The following TENM4 variants were observed in gnomAD, a reference collection of about 807,000 sequenced individuals.
TENM4 encodes teneurin transmembrane protein 4, also known as teneurin-4.
In TENM4, 82 loss-of-function variants were observed where a neutral mutation model predicts 243.3. The ratio of observed to expected loss-of-function variants is 0.34; its 90% confidence interval spans 0.28 to 0.40. The LOEUF is 0.40. TENM4 is among the 10% of genes least tolerant of loss of function. The pLI is 1.00. For missense variants in TENM4, 3,138 were observed against 3,673.3 expected (o/e 0.85, Z 3.77); for synonymous variants, 1,412 against 1,456.3 (o/e 0.97, Z 0.69).
chr11:78,931,241 T>G (rs606211), intron 6 of TENM4, among the ~76,000 whole-genome samples: 5 of 152,022 alleles, frequency 3.3e-5, no homozygotes, highest in African/African-American at 1.2e-4. Flanking sequence ...GGTTTCTCTC[T>G]ATCTCTCTTT....
chr11:78,676,578 T>C lies in TENM4; in HGVS notation c.5261-191A>G, dbSNP rs115814631. Among the ~76,000 whole-genome samples, 891 of 152,336 alleles carry C rather than the reference T, an allele frequency of 5.8e-3. 9 individuals carry two copies. Among genetic ancestry groups the C allele is most frequent in the African/African-American group, 0.02 (832 of 41,580 alleles). ...GATTCTCCATATCCAAAGAAAACCA[T>C]TGTAAATATTTTGTATGTTTGTAGA... On this transcript the variant is annotated intron_variant, in intron 29 of 33. Transcript: ENST00000278550.
intron 1 of TENM4, among the ~76,000 whole-genome samples, chr11:79,311,557 A>C (rs772042208): frequency 1.4e-4 from 22 of 152,220 alleles, no homozygotes; most frequent in Non-Finnish European, 3.1e-4. Flanking sequence ...TTACAAGCCC[A>C]CAATATACAG....
At chr11:78,668,877 A>G (rs903206502) in intron 32 of TENM4, 60 bp downstream of exon 32, 9 of 1,530,210 alleles carry the variant, frequency 5.9e-6, no homozygotes, top group African/African-American at 4.1e-5. Context: ...AAGACTAAGT[A>G]TTGTTAGGTA....
In TENM4 at chr11:79,182,373, C is replaced by T. The variant is rs565587074; in HGVS notation, c.-163+33435G>A. On this transcript the variant is annotated intron_variant, in intron 3 of 33. Coordinates refer to ENST00000278550, the MANE Select transcript of TENM4 (RefSeq NM_001098816.3). Reference sequence around the variant, plus strand: ...ATATTTTCAACAAATGGTGTAGGGACAACTGGACATCCAAATATCAAAAAA... The same window carrying T: ...ATATTTTCAACAAATGGTGTAGGGATAACTGGACATCCAAATATCAAAAAA... 2.6e-5 allele frequency among the ~76,000 whole-genome samples: 4 copies of T among 152,130 alleles called. No individual in the cohort carries two copies. The South Asian group carries it at 8.3e-4, about 32-fold the overall frequency.
At chr11:79,437,589 G>A (rs1246977571) in intron 1 of TENM4, among the ~76,000 whole-genome samples, 1 of 152,224 alleles carries the variant, frequency 6.6e-6, no homozygotes, top group Non-Finnish European at 1.5e-5. Flanking sequence ...GGCGTCCCGC[G>A]GACTCCGGCG....
At chr11:78,800,231 G>A (rs1190181730) in intron 15 of TENM4, among the ~76,000 whole-genome samples, 5 of 152,212 alleles carry the variant, frequency 3.3e-5, no homozygotes, top group African/African-American at 7.2e-5. Flanking sequence ...GGGAGGAGTT[G>A]TTCTGCTCAG....
At chr11:79,375,844 C>A (rs1234207765) in intron 1 of TENM4, among the ~76,000 whole-genome samples, 1 of 152,008 alleles carries the variant, frequency 6.6e-6, no homozygotes, top group East Asian at 1.9e-4. Flanking sequence ...ATGCAAAAAC[C>A]CAAGGCATTC....
intron 3 of TENM4, among the ~76,000 whole-genome samples, chr11:79,169,375 G>A (rs551888980): frequency 3.9e-5 from 6 of 152,260 alleles, no homozygotes; most frequent in East Asian, 1.9e-4. Context: ...TTGAGTGATC[G>A]CAAGAGGGAG....
At chr11:79,386,080 A>G (rs1055394488) in intron 1 of TENM4, among the ~76,000 whole-genome samples, 14 of 152,252 alleles carry the variant, frequency 9.2e-5, no homozygotes, top group Non-Finnish European at 1.6e-4. Flanking sequence ...CTGGCCTGAA[A>G]CTTTAACTGC....
chr11:78,859,673 C>A (rs1380848608), intron 10 of TENM4, among the ~76,000 whole-genome samples: 1 of 152,184 alleles, frequency 6.6e-6, no homozygotes, highest in African/African-American at 2.4e-5. Flanking sequence ...TGGTTCTTTT[C>A]AATGCAATAA....
chr11:79,001,835 C>T (rs1417327095), intron 6 of TENM4, among the ~76,000 whole-genome samples: 1 of 152,186 alleles, frequency 6.6e-6, no homozygotes, highest in Non-Finnish European at 1.5e-5. Context: ...CTCACCATAG[C>T]TCCTTTGTCA....
At chr11:78,806,371 T>G (rs750347687) in intron 14 of TENM4, among the ~76,000 whole-genome samples, 8 of 152,146 alleles carry the variant, frequency 5.3e-5, no homozygotes, top group East Asian at 1.9e-4. Context: ...ATGTGCTGAC[T>G]TTGCACAGCT....
chr11:79,103,313 A>G (rs1301476408), intron 4 of TENM4, among the ~76,000 whole-genome samples: 3 of 152,164 alleles, frequency 2.0e-5, no homozygotes, highest in Non-Finnish European at 2.9e-5. Flanking sequence ...ATAATGTTGT[A>G]TGATTATAGA....
At chr11:78,727,491 A>G (rs1406597671) in intron 22 of TENM4, among the ~76,000 whole-genome samples, 3 of 152,168 alleles carry the variant, frequency 2.0e-5, no homozygotes, top group Non-Finnish European at 4.4e-5. Flanking sequence ...ATTTGTTTAC[A>G]GAATCACATA....
chr11:79,175,831 T>G (rs1863147774), intron 3 of TENM4, among the ~76,000 whole-genome samples: 1 of 152,152 alleles, frequency 6.6e-6, no homozygotes, highest in Admixed American at 6.5e-5. Context: ...GTGGCTGCAA[T>G]CCCAGCATTT....
intron 4 of TENM4, among the ~76,000 whole-genome samples, chr11:79,142,209 T>C (rs916175447): frequency 6.6e-6 from 1 of 152,088 alleles, no homozygotes; most frequent in Non-Finnish European, 1.5e-5. Flanking sequence ...TTGCAGATGA[T>C]GTGACCTTAC....
At chr11:79,370,796 AAAAAAAAAAAAAAG>A (rs1395959922) in intron 1 of TENM4, among the ~76,000 whole-genome samples, 2 of 149,306 alleles carry the variant, frequency 1.3e-5, no homozygotes, top group Non-Finnish European at 3.0e-5. Flanking sequence ...AAAAAAAAAA[AAAAAAAAAAAAAAG>A]TGATAAATTT....
At chr11:79,190,091 T>C (rs1863450202) in intron 3 of TENM4, among the ~76,000 whole-genome samples, 1 of 152,168 alleles carries the variant, frequency 6.6e-6, no homozygotes, top group African/African-American at 2.4e-5. Flanking sequence ...CTACTGCAGC[T>C]TGAAAGGAAA....
chr11:79,382,897 A>C (rs1454934691), intron 1 of TENM4, among the ~76,000 whole-genome samples: 1 of 152,138 alleles, frequency 6.6e-6, no homozygotes, highest in Non-Finnish European at 1.5e-5. Context: ...TCCAGGGATG[A>C]GATTCCTGGA....
Sources: gnomAD v4.1 joint callset for allele counts (sites outside exome capture counted in the v4.1 genomes callset) on GRCh38, gnomAD v4.1.1 for gene constraint, MANE v1.5 for transcripts, NCBI Gene and HGNC (gene_info 2026-07-23, HGNC 2026-07-21) for gene names.